The following RARB variants were observed in gnomAD, a reference collection of about 807,000 sequenced individuals.
RARB encodes the protein HBV-activated protein.
RARB carries 17 observed loss-of-function variants against 51.9 expected under a neutral mutation model. That is an observed-to-expected ratio of 0.33 (90% CI 0.22 to 0.49). The LOEUF is 0.49. Among genes scored for constraint, RARB ranks in the 20% least tolerant of loss-of-function variants. RARB has a pLI of 0.99. For missense variants in RARB, 369 were observed against 550.8 expected (o/e 0.67, Z 3.30); for synonymous variants, 215 against 195.4 (o/e 1.10, Z -0.84).
rs139157239 is a variant in RARB, at chr3:25,524,758, C to G, written c.448+23435C>G. 7.9e-3 allele frequency among the ~76,000 whole-genome samples: 1,198 copies of G among 151,592 alleles called. 5 individuals carry two copies. Among genetic ancestry groups the G allele is most frequent in the Middle Eastern group, 0.02 (6 of 294 alleles). On this transcript the variant is annotated intron_variant, in intron 3 of 7. Coordinates refer to ENST00000330688, the MANE Select transcript of RARB (RefSeq NM_000965.5). ...ATTATTTTTTTTCATGAGATACAGT[C>G]TCGCTTTGTCACCCAGGCTGGAGTG...
intron 5 of RARB, among the ~76,000 whole-genome samples, chr3:25,212,232 A>G (rs956200118): frequency 2.0e-5 from 3 of 152,178 alleles, no homozygotes; most frequent in Non-Finnish European, 2.9e-5. Flanking sequence ...CTAAGTAAAT[A>G]AGCTCAATGC....
At chr3:25,314,977 G>A (rs1413174619) in intron 5 of RARB, among the ~76,000 whole-genome samples, 1 of 152,232 alleles carries the variant, frequency 6.6e-6, no homozygotes, top group South Asian at 2.1e-4. Context: ...ATTAACATGG[G>A]AACAGAAAAC....
intron 4 of RARB, among the ~76,000 whole-genome samples, chr3:25,168,440 A>T (rs944966376): frequency 2.0e-5 from 3 of 152,024 alleles, no homozygotes; most frequent in African/African-American, 7.2e-5. Flanking sequence ...TGGCCAGGCT[A>T]GTCTCAAACT....
At chr3:25,467,428 T>C (rs757281195) in intron 2 of RARB, among the ~76,000 whole-genome samples, 4 of 150,456 alleles carry the variant, frequency 2.7e-5, no homozygotes, top group African/African-American at 4.9e-5. Context: ...CCCCCTGTTG[T>C]TGCTCACCAT....
chr3:25,244,467 C>T (rs1702508270), intron 5 of RARB, among the ~76,000 whole-genome samples: 1 of 152,176 alleles, frequency 6.6e-6, no homozygotes, highest in Non-Finnish European at 1.5e-5. Flanking sequence ...AAATTTCCCT[C>T]TAAACACTGC....
At chr3:24,927,331 G>GT (rs764142010) in intron 2 of RARB, among the ~76,000 whole-genome samples, 15 of 152,068 alleles carry the variant, frequency 9.9e-5, no homozygotes, top group Non-Finnish European at 1.9e-4. Context: ...GAATCCCAGA[G>GT]TAAGTTTGTA....
intron 5 of RARB, among the ~76,000 whole-genome samples, chr3:25,204,694 A>G (rs1278737685): frequency 6.6e-6 from 1 of 152,216 alleles, no homozygotes; most frequent in Non-Finnish European, 1.5e-5. Flanking sequence ...GGTTCACTCC[A>G]GACCCTGTTT....
At chr3:25,308,813 A>G (rs1704214901) in intron 5 of RARB, among the ~76,000 whole-genome samples, 1 of 152,112 alleles carries the variant, frequency 6.6e-6, no homozygotes, top group Non-Finnish European at 1.5e-5. Flanking sequence ...CTTGTGGCAG[A>G]ATGTTGAGCT....
intron 2 of RARB, among the ~76,000 whole-genome samples, chr3:25,495,243 T>A (rs1181447433): frequency 2.0e-5 from 3 of 152,154 alleles, no homozygotes; most frequent in African/African-American, 4.8e-5. Flanking sequence ...TTTGAGGGTA[T>A]CAGAGGAGGG....
intron 1 of RARB, among the ~76,000 whole-genome samples, chr3:25,443,823 C>T (rs1369343429): frequency 3.3e-5 from 5 of 150,884 alleles, no homozygotes; most frequent in Non-Finnish European, 5.9e-5. Flanking sequence ...CCCAGCTACT[C>T]GGGAGGCTGA....
chr3:25,316,036 T>TTTTTGA (rs1268241438), intron 5 of RARB, among the ~76,000 whole-genome samples: 1 of 152,224 alleles, frequency 6.6e-6, no homozygotes, highest in Non-Finnish European at 1.5e-5. Flanking sequence ...GGACTCTGGT[T>TTTTTGA]TATATTTGTT....
In RARB at chr3:25,211,625, A is replaced by G. The variant is rs561250690; in HGVS notation, c.178+37050A>G. Among the ~76,000 whole-genome samples, 4 of 152,324 alleles carry G rather than the reference A, an allele frequency of 2.6e-5. No individual in the cohort carries two copies. The South Asian group carries it at 8.3e-4, about 32-fold the overall frequency. On this transcript the variant is annotated intron_variant, in intron 5 of 11. Transcript: ENST00000383772. ...TTCAAATCTGAAATTCAAAATGTAA[A>G]CTTTATTATTTTTATCAGAGATTGA...
Position 25,428,633 on chromosome 3 carries a change from A to T in RARB, c.-99A>T. ...AGACCAACAGCCTACGTGCCAAAAA[A>T]GGGGCAGAGTTTGATGGAGTTGGGT... On this transcript the variant is annotated 5_prime_UTR_variant, in exon 1 of 8. The change creates a new upstream start codon in the 5' untranslated region. Coordinates refer to ENST00000330688, the MANE Select transcript of RARB (RefSeq NM_000965.5). 6.9e-7 allele frequency: 1 copy of T among 1,447,854 alleles called. No individual in the cohort carries two copies. Among genetic ancestry groups the T allele is most frequent in the Non-Finnish European group, 9.2e-7 (1 of 1,089,780 alleles). The allele number at this position is 1,447,854 out of a possible 1,614,324, so 89.7% of individuals were successfully genotyped here. A position where few individuals can be genotyped will look rare whatever the true frequency, so the allele number is the denominator to read the frequency against.
chr3:24,845,143 T>C (rs907466124), intron 1 of RARB, among the ~76,000 whole-genome samples: 1 of 152,192 alleles, frequency 6.6e-6, no homozygotes, highest in Non-Finnish European at 1.5e-5. Context: ...CTAACCTAGG[T>C]GGAATCATTA....
intron 1 of RARB, chr3:25,458,209 G>A (rs996769079): frequency 2.6e-5 from 4 of 152,180 alleles, no homozygotes; most frequent in Non-Finnish European, 5.9e-5. Flanking sequence ...TCATCACAAT[G>A]GAATGTTTTC....
At chr3:25,238,615 A>C (rs1702358710) in intron 5 of RARB, among the ~76,000 whole-genome samples, 1 of 152,242 alleles carries the variant, frequency 6.6e-6, no homozygotes, top group Non-Finnish European at 1.5e-5. Context: ...ACTACTTTAC[A>C]TCCCCACCAA....
At chr3:25,285,679 G>A (rs1019303704) in intron 5 of RARB, among the ~76,000 whole-genome samples, 14 of 152,108 alleles carry the variant, frequency 9.2e-5, no homozygotes, top group African/African-American at 3.4e-4. Context: ...AGACAGACTG[G>A]GTAACGAATT....
rs1411454281 is a variant in RARB, at chr3:25,594,574, T to A, written c.1046T>A (p.Leu349Gln). ...GTAGATAAGCTACAAGAACCATTGCTGGAAGCACTAAAAATTTATATCAGA... is the reference window on the plus strand; with the variant it reads ...GTAGATAAGCTACAAGAACCATTGCAGGAAGCACTAAAAATTTATATCAGA... ...TKVDKLQEPL[L>Q]EALKIYIRKR... Residue 349 changes from leucine (L) to glutamine (Q), a missense_variant, in exon 7 of 8, where the codon CTG becomes CAG. This residue lies in a region of RARB where 76 missense variants were observed against 153.3 expected (regional missense o/e 0.50). Coordinates refer to ENST00000330688, the MANE Select transcript of RARB (RefSeq NM_000965.5). 2 of 1,613,798 alleles carry A rather than the reference T, an allele frequency of 1.2e-6. No homozygotes were observed.
chr3:25,397,831 C>T (rs2125492043), intron 5 of RARB, among the ~76,000 whole-genome samples: 1 of 151,914 alleles, frequency 6.6e-6, no homozygotes, highest in Admixed American at 6.6e-5. Flanking sequence ...ACTTCACAGT[C>T]CTTTTCCAGC....
Sources: allele counts gnomAD v4.1 joint callset (sites outside exome capture counted in the v4.1 genomes callset), GRCh38; gene constraint gnomAD v4.1.1; regional missense constraint gnomAD v4.1.1; transcripts MANE v1.5; gene names NCBI Gene and HGNC (gene_info 2026-07-23, HGNC 2026-07-21).